DCC: variants seen among roughly 807,000 people sequenced by gnomAD.
DCC encodes the protein netrin receptor DCC.
A neutral mutation model predicts 172.5 loss-of-function variants in DCC; 58 were observed. That is an observed-to-expected ratio of 0.34 (90% CI 0.27 to 0.42). The LOEUF (loss-of-function observed/expected upper bound fraction) is 0.42, where lower values mean the gene tolerates loss of function less well. Ranked by LOEUF, DCC falls within the 10% of genes least tolerant of loss-of-function variation. The pLI is 1.00. For missense variants in DCC, 1,740 were observed against 1,791.0 expected (o/e 0.97, Z 0.51); for synonymous variants, 709 against 644.5 (o/e 1.10, Z -1.52).
intron 2 of DCC, among the ~76,000 whole-genome samples, chr18:52,830,069 G>T (rs73956010): frequency 8.5e-5 from 13 of 152,176 alleles, no homozygotes; most frequent in African/African-American, 3.1e-4. Context: ...GTGGGAGCCT[G>T]CCAGCTGTGT....
chr18:52,417,665 G>A (rs1019125269), intron 1 of DCC, among the ~76,000 whole-genome samples: 19 of 151,828 alleles, frequency 1.3e-4, no homozygotes, highest in African/African-American at 3.6e-4. Context: ...TGATTGCATC[G>A]GCTCCTGAGG....
intron 1 of DCC, among the ~76,000 whole-genome samples, chr18:52,382,387 T>A (rs1158977840): frequency 6.6e-6 from 1 of 152,186 alleles, no homozygotes; most frequent in African/African-American, 2.4e-5. Context: ...CTAATACTTT[T>A]GTTATATTCT....
intron 1 of DCC, among the ~76,000 whole-genome samples, chr18:52,467,278 T>C (rs942014097): frequency 5.3e-5 from 8 of 152,028 alleles, no homozygotes; most frequent in Non-Finnish European, 8.8e-5. Flanking sequence ...CTCCCACTTA[T>C]GAGTGAGAAC....
intron 2 of DCC, among the ~76,000 whole-genome samples, chr18:52,796,163 C>T (rs62083276): frequency 0.14 from 20,625 of 149,626 alleles, 1,667 homozygotes; most frequent in Middle Eastern, 0.25. Flanking sequence ...AGTTTCTTAT[C>T]GGTGGCATAT....
intron 18 of DCC, among the ~76,000 whole-genome samples, chr18:53,402,505 G>T (rs1315343046): frequency 6.6e-6 from 1 of 152,018 alleles, no homozygotes; most frequent in Admixed American, 6.6e-5. Context: ...TTTAGTGTGA[G>T]CCCACTTGAA....
At chr18:52,477,219 T>A (rs1989119449) in intron 1 of DCC, among the ~76,000 whole-genome samples, 1 of 152,162 alleles carries the variant, frequency 6.6e-6, no homozygotes, top group African/African-American at 2.4e-5. Flanking sequence ...TGGACTTGAC[T>A]GTGGGATCAC....
intron 1 of DCC, among the ~76,000 whole-genome samples, chr18:52,525,206 C>A (rs541272393): frequency 1.3e-5 from 2 of 152,056 alleles, no homozygotes; most frequent in South Asian, 4.1e-4. Flanking sequence ...CCAAAGCTTT[C>A]TATGTCCCCT....
At chr18:52,360,518 A>G (rs1984572122) in intron 1 of DCC, among the ~76,000 whole-genome samples, 1 of 152,232 alleles carries the variant, frequency 6.6e-6, no homozygotes, top group Non-Finnish European at 1.5e-5. Context: ...TTAAAATAGG[A>G]GACGGTAATA....
Position 52,388,336 on chromosome 18 carries a change from T to C in DCC, c.91+47458T>C, listed in dbSNP as rs377649169. On this transcript the variant is annotated intron_variant, in intron 1 of 28. Coordinates refer to ENST00000442544, the MANE Select transcript of DCC (RefSeq NM_005215.4). ...TGTGCTATGTATCTTTCTAGTAATT[T>C]GTTGCTTTGTAGCCACAGTCCATAA... Among the ~76,000 whole-genome samples, 6 of 151,808 alleles carry C rather than the reference T, an allele frequency of 4.0e-5. No homozygotes were observed. In the South Asian group the frequency reaches 1.0e-3, roughly 26 times the overall value.
At chr18:52,612,268 G>C (rs2034290619) in intron 1 of DCC, among the ~76,000 whole-genome samples, 1 of 151,958 alleles carries the variant, frequency 6.6e-6, no homozygotes, top group East Asian at 1.9e-4. Context: ...AGAAACGTGG[G>C]GTTCTTGCCT....
chr18:53,500,062 A>T (rs1262934231), intron 27 of DCC, among the ~76,000 whole-genome samples: 1 of 152,220 alleles, frequency 6.6e-6, no homozygotes, highest in Admixed American at 6.5e-5. Flanking sequence ...TAACATTTAG[A>T]TTGATAGAAA....
intron 2 of DCC, among the ~76,000 whole-genome samples, chr18:52,821,412 A>G (rs1296735070): frequency 2.0e-5 from 3 of 152,240 alleles, no homozygotes; most frequent in Non-Finnish European, 4.4e-5. Context: ...CATTAAAAAT[A>G]TATGCTGGCA....
In DCC at chr18:52,858,479, C is replaced by T. The variant is rs2039086994; in HGVS notation, c.413-47565C>T. ...GGTTGTGGGTGGGTGCTCAGGACTG[C>T]CCTAGGATATTAAGACATATTACTT... On this transcript the variant is annotated intron_variant, in intron 2 of 28. Coordinates refer to ENST00000442544, the MANE Select transcript of DCC (RefSeq NM_005215.4). 5.3e-5 allele frequency among the ~76,000 whole-genome samples: 8 copies of T among 152,254 alleles called. No individual in the cohort carries two copies. The South Asian group carries it at 1.7e-3, about 32-fold the overall frequency.
intron 1 of DCC, among the ~76,000 whole-genome samples, chr18:52,660,066 G>A (rs1351886294): frequency 6.6e-6 from 1 of 152,102 alleles, no homozygotes; most frequent in Non-Finnish European, 1.5e-5. Flanking sequence ...ATTAATGGTA[G>A]AGAAAAATAA....
intron 27 of DCC, among the ~76,000 whole-genome samples, chr18:53,518,756 G>A (rs986915432): frequency 1.3e-5 from 2 of 152,126 alleles, no homozygotes; most frequent in African/African-American, 4.8e-5. Context: ...AGGGTCGCCT[G>A]AAACTTCTCC....
At chr18:53,515,653 C>T (rs1251535968) in intron 27 of DCC, among the ~76,000 whole-genome samples, 2 of 147,174 alleles carry the variant, frequency 1.4e-5, no homozygotes, top group Admixed American at 6.8e-5. Flanking sequence ...TATACACCAA[C>T]AACAGACAAA....
intron 12 of DCC, among the ~76,000 whole-genome samples, chr18:53,219,643 C>T (rs1393273624): frequency 6.6e-6 from 1 of 152,134 alleles, no homozygotes; most frequent in African/African-American, 2.4e-5. Context: ...AGCTGGTACT[C>T]AGTCACTCAC....
intron 1 of DCC, among the ~76,000 whole-genome samples, chr18:52,414,569 C>T (rs973904192): frequency 2.6e-5 from 4 of 152,076 alleles, no homozygotes; most frequent in Non-Finnish European, 4.4e-5. Context: ...CCCTTGTTAT[C>T]GTTAGTGGGA....
chr18:53,049,048 T>A lies in DCC; in HGVS notation c.986-14257T>A, dbSNP rs1483420689. The stretch of plus-strand genomic sequence containing the variant: ...ATGGGGTTGTTTAGTATTTTTTTTG[T>A]AAATTTAAGTTCATTATAGATTCTG... On this transcript the variant is annotated intron_variant, in intron 5 of 28. Transcript: ENST00000442544. Among the ~76,000 whole-genome samples the A allele has an allele frequency of 2.6e-5, 4 of 152,228 alleles. No individual in the cohort carries two copies. In the East Asian group the frequency reaches 7.7e-4, roughly 29 times the overall value.
Sources: allele counts gnomAD v4.1 joint callset (sites outside exome capture counted in the v4.1 genomes callset), GRCh38; gene constraint gnomAD v4.1.1; transcripts MANE v1.5; gene names NCBI Gene and HGNC (gene_info 2026-07-23, HGNC 2026-07-21).